LPP: variants seen among roughly 807,000 people sequenced by gnomAD.
The protein encoded by LPP is lipoma-preferred partner.
Under a neutral mutation model 60.4 loss-of-function variants are expected in LPP, and 38 were observed. The observed-to-expected ratio is 0.63, with a 90% CI of 0.49 to 0.83. The LOEUF (loss-of-function observed/expected upper bound fraction) is 0.83. Among genes scored for constraint, LPP ranks in the 40% least tolerant of loss-of-function variants. The probability of loss-of-function intolerance (pLI) is 0.00; values close to 1 mark genes in which losing one functional copy is unlikely to be tolerated. For synonymous variants in LPP, 328 were observed against 290.8 expected (o/e 1.13, Z -1.30); for missense variants, 902 against 783.6 (o/e 1.15, Z -1.80).
At chr3:188,731,385 G>C (rs1437797802) in intron 8 of LPP, among the ~76,000 whole-genome samples, 1 of 152,118 alleles carries the variant, frequency 6.6e-6, no homozygotes, top group Non-Finnish European at 1.5e-5. Flanking sequence ...GGATTATCTG[G>C]GGCATGTTTG....
At chr3:188,694,111 G>A (rs1015667892) in intron 7 of LPP, among the ~76,000 whole-genome samples, 9 of 152,096 alleles carry the variant, frequency 5.9e-5, no homozygotes, top group Non-Finnish European at 2.9e-5. Flanking sequence ...TTTTAGAAAG[G>A]CCTAAGTTGT....
chr3:188,415,253 A>G (rs1461871404), intron 4 of LPP, among the ~76,000 whole-genome samples: 1 of 152,164 alleles, frequency 6.6e-6, no homozygotes, highest in Non-Finnish European at 1.5e-5. Flanking sequence ...ATCACCACAC[A>G]TGTATTAGAA....
At position 188,300,514 on chromosome 3, in the gene LPP, A is replaced by G. The variant is rs1028641338; in HGVS notation, c.-66-41149A>G. ...TTTGAAGTATCCAGTTTTTTAAATA[A>G]ATTAATATGTATTGAATTGGAGTTT... On this transcript the variant is annotated intron_variant, in intron 2 of 11. Coordinates refer to ENST00000617246, the MANE Select transcript of LPP (RefSeq NM_001375462.1). Among the ~76,000 whole-genome samples, 3 of 150,456 alleles carry G rather than the reference A, an allele frequency of 2.0e-5. No homozygotes were observed. The East Asian group carries it at 5.8e-4, about 29-fold the overall frequency.
At chr3:188,299,239 C>T (rs1252753765) in intron 2 of LPP, among the ~76,000 whole-genome samples, 1 of 152,272 alleles carries the variant, frequency 6.6e-6, no homozygotes, top group Non-Finnish European at 1.5e-5. Flanking sequence ...TCATATCTTC[C>T]TTATTTTAAA....
intron 9 of LPP, among the ~76,000 whole-genome samples, chr3:188,777,283 G>A (rs1281114322): frequency 2.6e-5 from 4 of 151,330 alleles, no homozygotes; most frequent in African/African-American, 9.7e-5. Context: ...TTCTAACTAT[G>A]CATCTAGGTT....
At chr3:188,294,853 C>G (rs1260455356) in intron 2 of LPP, among the ~76,000 whole-genome samples, 1 of 152,206 alleles carries the variant, frequency 6.6e-6, no homozygotes, top group African/African-American at 2.4e-5. Context: ...CAGAAAGAAA[C>G]TAGAAGGAAC....
Position 188,636,892 on chromosome 3 carries a change from C to A in LPP, c.1113+27048C>A, listed in dbSNP as rs185814595. On this transcript the variant is annotated intron_variant, in intron 7 of 11. Transcript: ENST00000617246. ...CTAACAAACAGAAAGGACATCCACACCAAAAACCCATCTGTACATCACCAT... is the reference window on the plus strand; with the variant it reads ...CTAACAAACAGAAAGGACATCCACAACAAAAACCCATCTGTACATCACCAT... 1.3e-3 allele frequency among the ~76,000 whole-genome samples: 186 copies of A among 145,444 alleles called. 8 individuals carry two copies. Among genetic ancestry groups the A allele is most frequent in the African/African-American group, 4.7e-3 (177 of 37,774 alleles).
chr3:188,173,894 A>G (rs1456202021), intron 1 of LPP, among the ~76,000 whole-genome samples: 1 of 152,200 alleles, frequency 6.6e-6, no homozygotes, highest in Non-Finnish European at 1.5e-5. Flanking sequence ...GGGACTCCCA[A>G]AAATTAGGGT....
chr3:188,759,752 C>T (rs1326802985), intron 8 of LPP, among the ~76,000 whole-genome samples: 1 of 152,162 alleles, frequency 6.6e-6, no homozygotes, highest in Non-Finnish European at 1.5e-5. Context: ...TAGATTTTGC[C>T]TTCCACTCCA....
intron 9 of LPP, among the ~76,000 whole-genome samples, chr3:188,804,950 T>A (rs1011605915): frequency 3.9e-5 from 6 of 152,056 alleles, no homozygotes; most frequent in African/African-American, 1.4e-4. Flanking sequence ...TAAGTTGGTA[T>A]GATAATAAGA....
At chr3:188,161,519 G>T (rs1718275287) in intron 1 of LPP, among the ~76,000 whole-genome samples, 1 of 152,162 alleles carries the variant, frequency 6.6e-6, no homozygotes. Flanking sequence ...TGCCAGCCAA[G>T]CATGGACTGG....
chr3:188,399,305 T>A (rs1240042353), intron 3 of LPP, among the ~76,000 whole-genome samples: 1 of 152,050 alleles, frequency 6.6e-6, no homozygotes, highest in Non-Finnish European at 1.5e-5. Flanking sequence ...AGTGGATGAT[T>A]AGGAAAGCAG....
intron 7 of LPP, among the ~76,000 whole-genome samples, chr3:188,702,811 TA>T (rs1864747862): frequency 6.6e-6 from 1 of 152,218 alleles, no homozygotes; most frequent in African/African-American, 2.4e-5. Flanking sequence ...TCCACTCTGA[TA>T]AAAGAAATCT....
chr3:188,548,251 A>G (rs1301859690), intron 6 of LPP, among the ~76,000 whole-genome samples: 1 of 152,096 alleles, frequency 6.6e-6, no homozygotes, highest in African/African-American at 2.4e-5. Flanking sequence ...AAGCTATTTC[A>G]CTTCTCTTGT....
At chr3:188,393,694 C>T (rs1780237528) in intron 3 of LPP, among the ~76,000 whole-genome samples, 1 of 152,160 alleles carries the variant, frequency 6.6e-6, no homozygotes, top group Admixed American at 6.5e-5. Context: ...GATTCGAAAC[C>T]AGAGCTTAAG....
At chr3:188,834,508 G>A (rs959795678) in intron 9 of LPP, among the ~76,000 whole-genome samples, 1 of 151,880 alleles carries the variant, frequency 6.6e-6, no homozygotes, top group African/African-American at 2.4e-5. Flanking sequence ...CCCCACCAAG[G>A]AAGTTGCCTG....
At chr3:188,866,503 T>A in intron 10 of LPP, 125 bp downstream of exon 10, 1 of 721,758 alleles carries the variant, frequency 1.4e-6, no homozygotes. Flanking sequence ...GTGAGGCTTT[T>A]AAAAGAGCTT....
intron 7 of LPP, among the ~76,000 whole-genome samples, chr3:188,643,495 T>G (rs1412160364): frequency 1.3e-5 from 2 of 152,220 alleles, no homozygotes; most frequent in Non-Finnish European, 2.9e-5. Flanking sequence ...AATCTGAGAA[T>G]GAGCATGTGT....
chr3:188,613,109 A>G (rs1844049566), intron 7 of LPP, among the ~76,000 whole-genome samples: 1 of 152,126 alleles, frequency 6.6e-6, no homozygotes, highest in African/African-American at 2.4e-5. Context: ...AAGTCTTTAT[A>G]AGGTAGAAAT....
Sources: allele counts gnomAD v4.1 joint callset (sites outside exome capture counted in the v4.1 genomes callset), GRCh38; gene constraint gnomAD v4.1.1; transcripts MANE v1.5; gene names NCBI Gene and HGNC (gene_info 2026-07-23, HGNC 2026-07-21).